The following ADAMTSL1 variants were observed in gnomAD, a reference collection of about 807,000 sequenced individuals.
The protein encoded by ADAMTSL1 is ADAMTS like 1.
Under a neutral mutation model 201.8 loss-of-function variants are expected in ADAMTSL1, and 126 were observed. The ratio of observed to expected loss-of-function variants is 0.62; its 90% CI spans 0.54 to 0.72. ADAMTSL1 has a LOEUF of 0.72. Ranked by LOEUF, ADAMTSL1 falls within the 30% of genes least tolerant of loss-of-function variation. The pLI is 0.00. For missense variants in ADAMTSL1, 2,679 were observed against 2,277.8 expected (o/e 1.18, Z -3.59); for synonymous variants, 1,121 against 903.4 (o/e 1.24, Z -4.32).
intron 23 of ADAMTSL1, among the ~76,000 whole-genome samples, chr9:18,886,280 T>C (rs1243736558): frequency 6.7e-6 from 1 of 148,270 alleles, no homozygotes; most frequent in Non-Finnish European, 1.5e-5. Flanking sequence ...TATCTGGACA[T>C]GGTGGTGCAC....
chr9:18,521,527 GTTAATA>G (rs1206820345), intron 2 of ADAMTSL1, among the ~76,000 whole-genome samples: 2 of 151,566 alleles, frequency 1.3e-5, no homozygotes, highest in African/African-American at 2.4e-5. Context: ...ATTTAAATAT[GTTAATA>G]TTAATAAAGT....
chr9:18,146,236 A>T (rs1472820237), intron 1 of ADAMTSL1, among the ~76,000 whole-genome samples: 1 of 152,148 alleles, frequency 6.6e-6, no homozygotes, highest in African/African-American at 2.4e-5. Context: ...TCCAGCAATC[A>T]CATTTTTAGG....
At chr9:18,722,991 T>G (rs1478966994) in intron 15 of ADAMTSL1, 1 of 776,728 alleles carries the variant, frequency 1.3e-6, no homozygotes, top group Non-Finnish European at 2.4e-6. Flanking sequence ...ACTTTTCTAT[T>G]TGACTACAGT....
At chr9:18,890,624 A>AGTT (rs1334141172) in intron 25 of ADAMTSL1, 6 of 455,692 alleles carry the variant, frequency 1.3e-5, no homozygotes, top group Middle Eastern at 3.2e-4. Context: ...TAATATCAGC[A>AGTT]GTTTGACTTG....
rs905617182 is a variant in ADAMTSL1, at chr9:18,236,925, A to G, written c.207+72944A>G. 1.4e-4 allele frequency among the ~76,000 whole-genome samples: 22 copies of G among 152,210 alleles called. 1 individual carries two copies. The highest frequency in any genetic ancestry group is 2.4e-4 in the Non-Finnish European group (16 of 68,038). ...TCCAGATTTATGTGCACCTACAATT[A>G]CTGAATCACATGTTGCTAAAATTTT... On this transcript the variant is annotated intron_variant, in intron 2 of 29. Coordinates refer to the ADAMTSL1 transcript ENST00000680146.
At chr9:18,805,741 T>C (rs995296763) in intron 20 of ADAMTSL1, among the ~76,000 whole-genome samples, 4 of 152,232 alleles carry the variant, frequency 2.6e-5, no homozygotes, top group Non-Finnish European at 5.9e-5. Context: ...TCAGCCCTTA[T>C]GAATGTAACT....
At chr9:18,146,382 G>A (rs1270403794) in intron 1 of ADAMTSL1, among the ~76,000 whole-genome samples, 1 of 152,100 alleles carries the variant, frequency 6.6e-6, no homozygotes, top group Non-Finnish European at 1.5e-5. Context: ...ATACTATTCA[G>A]CAATAAAGAG....
chr9:18,095,401 G>A (rs1318892063), intron 1 of ADAMTSL1, among the ~76,000 whole-genome samples: 1 of 136,672 alleles, frequency 7.3e-6, no homozygotes, highest in South Asian at 2.5e-4. Flanking sequence ...TCCCTGATAA[G>A]TTTCTTCTTT....
At chr9:18,906,353 TC>T (rs1284248798) in intron 27 of ADAMTSL1, among the ~76,000 whole-genome samples, 14 of 151,934 alleles carry the variant, frequency 9.2e-5, no homozygotes, top group Non-Finnish European at 2.1e-4. Flanking sequence ...CTTATAGATG[TC>T]CCCCTGGGGC....
At chr9:18,013,824 C>G (rs1311250966) in intron 1 of ADAMTSL1, among the ~76,000 whole-genome samples, 3 of 151,992 alleles carry the variant, frequency 2.0e-5, no homozygotes, top group Non-Finnish European at 4.4e-5. Context: ...GGGAGCTTCT[C>G]ATCTTGCCAG....
chr9:17,932,509 A>AT (rs974564632), intron 1 of ADAMTSL1, among the ~76,000 whole-genome samples: 3 of 152,094 alleles, frequency 2.0e-5, no homozygotes, highest in Non-Finnish European at 4.4e-5. Context: ...TGGTAAACTC[A>AT]TTTTTCGTTG....
chr9:18,877,271 C>T (rs555071884), intron 23 of ADAMTSL1, among the ~76,000 whole-genome samples: 14 of 152,196 alleles, frequency 9.2e-5, no homozygotes, highest in African/African-American at 2.9e-4. Flanking sequence ...GGTTTGGAGG[C>T]GTTCCTGGTG....
At chr9:18,850,987 T>A (rs1472937455) in intron 23 of ADAMTSL1, among the ~76,000 whole-genome samples, 1 of 152,214 alleles carries the variant, frequency 6.6e-6, no homozygotes, top group Non-Finnish European at 1.5e-5. Context: ...TAGATGCTAA[T>A]AATTGCTAAT....
chr9:18,255,903 T>C (rs1831664497), intron 2 of ADAMTSL1, among the ~76,000 whole-genome samples: 1 of 152,226 alleles, frequency 6.6e-6, no homozygotes, highest in African/African-American at 2.4e-5. Context: ...GAGATTATAA[T>C]CTGTTTCTAA....
In ADAMTSL1 at chr9:18,490,694, A is replaced by G. The variant is rs1036402248; in HGVS notation, c.64-14135A>G. Among the ~76,000 whole-genome samples, 7 of 152,136 alleles carry G rather than the reference A, an allele frequency of 4.6e-5. No individual in the cohort carries two copies. In the South Asian group the frequency reaches 1.5e-3, roughly 32 times the overall value. On this transcript the variant is annotated intron_variant, in intron 1 of 28. Transcript: ENST00000380548. ...ATTTGCTAGTCCAGATGAGTAAGAA[A>G]AGGCAGGGGACAAAACAGGGGAGAA...
At chr9:18,628,381 A>G (rs1826532291) in intron 5 of ADAMTSL1, among the ~76,000 whole-genome samples, 1 of 152,156 alleles carries the variant, frequency 6.6e-6, no homozygotes, top group African/African-American at 2.4e-5. Flanking sequence ...AACCTTGTCA[A>G]AAATCTATTG....
At chr9:17,976,581 A>C (rs11790013) in intron 1 of ADAMTSL1, among the ~76,000 whole-genome samples, 41,421 of 151,242 alleles carry the variant, frequency 0.27, 6,390 homozygotes, top group African/African-American at 0.41. Flanking sequence ...CTGTATGTTG[A>C]TTTTGTATCT....
At chr9:18,506,732 T>C (rs551240438) in intron 2 of ADAMTSL1, among the ~76,000 whole-genome samples, 5 of 152,162 alleles carry the variant, frequency 3.3e-5, no homozygotes, top group Admixed American at 6.5e-5. Flanking sequence ...ATTATAAACA[T>C]ATAGAAGATA....
chr9:18,501,504 A>AC (rs1822843795), intron 1 of ADAMTSL1, among the ~76,000 whole-genome samples: 1 of 46,110 alleles, frequency 2.2e-5, no homozygotes, highest in African/African-American at 5.0e-5. Flanking sequence ...ACACGGTCTC[A>AC]AAAAAAAAAA....
Sources: allele counts gnomAD v4.1 joint callset (sites outside exome capture counted in the v4.1 genomes callset), GRCh38; gene constraint gnomAD v4.1.1; transcripts MANE v1.5; gene names NCBI Gene and HGNC (gene_info 2026-07-23, HGNC 2026-07-21).